The following MYO18B variants were observed in gnomAD, a reference collection of about 807,000 sequenced individuals.
The protein encoded by MYO18B is unconventional myosin-XVIIIb.
MYO18B carries 204 observed loss-of-function variants against 273.0 expected under a neutral mutation model. The ratio of observed to expected loss-of-function variants is 0.75; its 90% CI spans 0.67 to 0.84. The LOEUF (loss-of-function observed/expected upper bound fraction) is 0.84, where lower values mean the gene tolerates loss of function less well. Ranked by LOEUF, MYO18B falls within the 40% of genes least tolerant of loss-of-function variation. The pLI is 0.00. For missense variants in MYO18B, 3,212 were observed against 3,287.6 expected, an observed-to-expected ratio of 0.98 and a Z score of 0.56; for synonymous variants, 1,330 against 1,305.7, an observed-to-expected ratio of 1.02 and a Z score of -0.40.
intron 12 of MYO18B, among the ~76,000 whole-genome samples, chr22:25,813,220 T>A (rs1408926312): frequency 6.7e-5 from 10 of 148,476 alleles, no homozygotes; most frequent in Non-Finnish European, 1.2e-4. Flanking sequence ...GTTTCGCTCT[T>A]GTTGCCCAGG....
At chr22:25,845,385 CGTGT>C (rs2090206445) in intron 18 of MYO18B, among the ~76,000 whole-genome samples, 4 of 152,112 alleles carry the variant, frequency 2.6e-5, no homozygotes, top group Non-Finnish European at 5.9e-5. Context: ...GGCCTGGTGG[CGTGT>C]GCCTATAGTC....
chr22:25,795,780 C>T (rs1031699115), intron 11 of MYO18B, among the ~76,000 whole-genome samples: 1 of 152,156 alleles, frequency 6.6e-6, no homozygotes, highest in Non-Finnish European at 1.5e-5. Context: ...CTTAATGTCA[C>T]TGTATGCTTT....
intron 39 of MYO18B, among the ~76,000 whole-genome samples, chr22:25,957,841 A>C (rs1399379313): frequency 6.6e-6 from 1 of 151,652 alleles, no homozygotes; most frequent in Non-Finnish European, 1.5e-5. Context: ...AATTGGATTC[A>C]GGGCTCACTC....
rs2086295465 is a variant in MYO18B, at chr22:25,761,045, GA to G, written c.-46del. ...AGCCTCATTCCGTGCTGTCTGGCAG[GA>G]AGCTCCATCTCATCTCATCATCTCA... is the stretch of plus-strand genomic sequence containing the variant. On this transcript the variant is annotated 5_prime_UTR_variant, in exon 2 of 44. Transcript: ENST00000335473. 3 of 1,607,468 alleles carry G rather than the reference GA, an allele frequency of 1.9e-6. No individual in the cohort carries two copies. Among genetic ancestry groups the G allele is most frequent in the South Asian group, 1.1e-5 (1 of 91,002 alleles).
At chr22:25,843,469 A>T (rs1314429334) in intron 17 of MYO18B, among the ~76,000 whole-genome samples, 1 of 152,210 alleles carries the variant, frequency 6.6e-6, no homozygotes, top group African/African-American at 2.4e-5. Flanking sequence ...GGTTATATAT[A>T]TAGAAAAACT....
intron 22 of MYO18B, among the ~76,000 whole-genome samples, chr22:25,868,755 A>G (rs2090963529): frequency 1.3e-5 from 2 of 152,186 alleles, no homozygotes; most frequent in Non-Finnish European, 2.9e-5. Context: ...CTTTGCAACC[A>G]GCTCTAACAC....
the MYO18B span, among the ~76,000 whole-genome samples, chr22:26,042,598 G>C: frequency 1.3e-5 from 2 of 152,140 alleles, no homozygotes; most frequent in East Asian, 1.9e-4. Flanking sequence ...AGGAGCCCCC[G>C]TTTGTCCAGC....
intron 38 of MYO18B, 21 bp from the exon 39 acceptor site, chr22:25,955,158 A>C (rs933547498): frequency 3.8e-6 from 6 of 1,570,248 alleles, no homozygotes; most frequent in Admixed American, 3.7e-5. Flanking sequence ...CAAGGTGGGC[A>C]TGTGTCTCTG....
chr22:26,033,716 TTTTC>T (rs1207486952), downstream of MYO18B, among the ~76,000 whole-genome samples: 1 of 152,180 alleles, frequency 6.6e-6, no homozygotes, highest in East Asian at 1.9e-4. Context: ...CTTTCTTTTC[TTTTC>T]TTTCTTTCTC....
intron 39 of MYO18B, among the ~76,000 whole-genome samples, 194 bp from the exon 40 acceptor site, chr22:25,992,169 C>G (rs866162935): frequency 2.6e-5 from 4 of 152,326 alleles, no homozygotes; most frequent in East Asian, 3.9e-4. Flanking sequence ...ATTCCCTCCT[C>G]TATGAAACTT....
chr22:25,918,527 C>T (rs180867080), intron 33 of MYO18B, among the ~76,000 whole-genome samples: 107 of 152,282 alleles, frequency 7.0e-4, no homozygotes, highest in African/African-American at 2.4e-3. Context: ...TTTTGCCCTC[C>T]TCTCTGTAGC....
At chr22:25,975,626 T>C (rs1304083928) in intron 39 of MYO18B, among the ~76,000 whole-genome samples, 2 of 152,226 alleles carry the variant, frequency 1.3e-5, no homozygotes, top group Non-Finnish European at 2.9e-5. Flanking sequence ...CTAGGAAAGA[T>C]TGACACCAAC....
At chr22:25,843,575 C>T (rs1601321765) in intron 17 of MYO18B, among the ~76,000 whole-genome samples, 160 bp from the exon 18 acceptor site, 1 of 152,196 alleles carries the variant, frequency 6.6e-6, no homozygotes, top group Admixed American at 6.5e-5. Context: ...AAATAATGTA[C>T]ACAAATTCAC....
intron 31 of MYO18B, among the ~76,000 whole-genome samples, chr22:25,906,420 A>G (rs970384545): frequency 9.9e-5 from 15 of 152,202 alleles, no homozygotes; most frequent in African/African-American, 3.6e-4. Context: ...AGAAACTGTA[A>G]CAGGGCCTCT....
intron 12 of MYO18B, among the ~76,000 whole-genome samples, chr22:25,807,689 G>T (rs1374735788): frequency 1.3e-5 from 2 of 152,148 alleles, no homozygotes; most frequent in African/African-American, 4.8e-5. Flanking sequence ...TTTCTGAGTG[G>T]CAACACTTCT....
rs771068336 is a variant in MYO18B, at chr22:25,874,291, T to TC, written c.3958dup (p.Leu1320ProfsTer10). On this transcript the variant is annotated frameshift_variant, in exon 23 of 44. Transcript: ENST00000335473. LOFTEE classifies it high-confidence loss of function. ...GAAACCTTCCCTCTCCCCAGGTTTT[T>TC]CTCAAGGCAGGTGTGATCTCCAGGC... 2.0e-5 allele frequency: 32 copies of TC among 1,613,834 alleles called. No homozygotes were observed. The highest frequency in any genetic ancestry group is 4.0e-5 in the African/African-American group (3 of 74,930).
chr22:25,931,761 C>T (rs67028235), intron 34 of MYO18B, among the ~76,000 whole-genome samples: 54,580 of 147,092 alleles, frequency 0.37, 12,359 homozygotes, highest in East Asian at 0.51. Flanking sequence ...TGGCTCACTG[C>T]AGCCTCAACA....
At chr22:25,776,154 A>G (rs2086906874) in intron 7 of MYO18B, among the ~76,000 whole-genome samples, 1 of 152,192 alleles carries the variant, frequency 6.6e-6, no homozygotes, top group Admixed American at 6.5e-5. Context: ...TAACCTTTTG[A>G]ATTGGCTTCT....
chr22:25,768,426 T>G lies in MYO18B; in HGVS notation c.510T>G (p.Thr170=). The change falls in exon 4 of 44, where the codon ACT becomes ACG. Residue 170 remains threonine, a synonymous_variant. Coordinates refer to ENST00000335473, the MANE Select transcript of MYO18B (RefSeq NM_032608.7). ...LDPDSAKPEK[T]HPHDAPPCKT... The stretch of plus-strand genomic sequence containing the variant: ...CGGACTCAGCCAAGCCAGAGAAGAC[T>G]CATCCCCATGACGCCCCCCCTTGCA... 1.9e-6 allele frequency: 3 copies of G among 1,612,728 alleles called. No homozygotes were observed. Among genetic ancestry groups the G allele is most frequent in the Non-Finnish European group, 2.5e-6 (3 of 1,179,520 alleles).
Sources: gnomAD v4.1 joint callset for allele counts (sites outside exome capture counted in the v4.1 genomes callset) on GRCh38, gnomAD v4.1.1 for gene constraint, MANE v1.5 for transcripts, NCBI Gene and HGNC (gene_info 2026-07-23, HGNC 2026-07-21) for gene names.